Variants in VAV3 observed in about 807,000 individuals in gnomAD.
VAV3 encodes vav guanine nucleotide exchange factor 3.
A neutral mutation model predicts 131.2 loss-of-function variants in VAV3; 94 were observed. The observed-to-expected ratio is 0.72, with a 90% confidence interval of 0.61 to 0.85. The LOEUF (loss-of-function observed/expected upper bound fraction) is 0.85, where lower values mean the gene tolerates loss of function less well. Among genes scored for constraint, VAV3 ranks in the 40% least tolerant of loss-of-function variants. The pLI, the probability that VAV3 is intolerant of heterozygous loss-of-function variation, is 0.00. For synonymous variants in VAV3, 349 were observed against 342.0 expected (o/e 1.02, Z -0.22); for missense variants, 939 against 1,002.7 (o/e 0.94, Z 0.86).
chr1:107,576,426 G>C (rs1649657031), intron 25 of VAV3: 1 of 1,525,496 alleles, frequency 6.6e-7, no homozygotes, highest in Admixed American at 2.0e-5. Context: ...GGGGAACAAA[G>C]CTGTAGTCTG....
In VAV3 at chr1:107,842,291, C is replaced by T. The variant is rs115106257; in HGVS notation, c.321+32610G>A. Among the ~76,000 whole-genome samples the T allele has an allele frequency of 7.5e-3, 1,135 of 152,184 alleles. 14 individuals carry two copies. The highest frequency in any genetic ancestry group is 0.017 in the African/African-American group (688 of 41,492). ...GCTGAATGGCAAGGGAAGGGAGTTG[C>T]GAGATGAATAGCTAAAAATAAAAAG... On this transcript the variant is annotated intron_variant, in intron 2 of 26. Transcript: ENST00000370056.
At chr1:107,608,678 G>T (rs1347923040) in intron 22 of VAV3, among the ~76,000 whole-genome samples, 2 of 152,124 alleles carry the variant, frequency 1.3e-5, no homozygotes, top group East Asian at 1.9e-4. Flanking sequence ...AGGTGGAGGA[G>T]GGCCCGAGGA....
chr1:107,886,721 A>G (rs544932886), intron 1 of VAV3, among the ~76,000 whole-genome samples: 1 of 152,240 alleles, frequency 6.6e-6, no homozygotes, highest in South Asian at 2.1e-4. Flanking sequence ...CATGCTGGAA[A>G]CTTCCATCAA....
chr1:107,888,499 C>T (rs1388997140), intron 1 of VAV3, among the ~76,000 whole-genome samples: 4 of 152,174 alleles, frequency 2.6e-5, no homozygotes, highest in South Asian at 2.1e-4. Context: ...TCTCTTGCTG[C>T]GCAGGCTGGA....
At chr1:107,770,869 TTG>T in intron 5 of VAV3, 141 bp from the exon 6 acceptor site, 1 of 613,732 alleles carries the variant, frequency 1.6e-6, no homozygotes, top group South Asian at 2.2e-5. Flanking sequence ...CTAACTGCAT[TTG>T]TGAGGCATCT....
intron 15 of VAV3, among the ~76,000 whole-genome samples, chr1:107,736,617 G>T (rs764031997): frequency 6.6e-6 from 1 of 152,066 alleles, no homozygotes; most frequent in African/African-American, 2.4e-5. Context: ...GCTACAAAGA[G>T]AATAAAATAC....
At chr1:107,678,922 T>G (rs925776960) in intron 19 of VAV3, among the ~76,000 whole-genome samples, 1 of 152,058 alleles carries the variant, frequency 6.6e-6, no homozygotes, top group Non-Finnish European at 1.5e-5. Flanking sequence ...GTATATAATA[T>G]TTAAAAATTT....
intron 2 of VAV3, among the ~76,000 whole-genome samples, chr1:107,790,230 C>T (rs939462554): frequency 1.3e-5 from 2 of 152,182 alleles, no homozygotes; most frequent in Non-Finnish European, 1.5e-5. Flanking sequence ...TCCACACAGG[C>T]CTTATGTGCT....
intron 18 of VAV3, chr1:107,686,036 G>GA (rs796672496): frequency 5.4e-5 from 7 of 129,272 alleles, no homozygotes; most frequent in African/African-American, 2.0e-4. Flanking sequence ...TGGGGGGGTG[G>GA]GGGGGGAGGG....
intron 19 of VAV3, among the ~76,000 whole-genome samples, chr1:107,681,709 A>G (rs967917797): frequency 2.0e-5 from 3 of 148,304 alleles, no homozygotes; most frequent in Non-Finnish European, 3.0e-5. Flanking sequence ...GCTGGAGTGC[A>G]GTGGCGCGAT....
intron 25 of VAV3, among the ~76,000 whole-genome samples, chr1:107,579,776 G>T (rs1649907661): frequency 6.6e-6 from 1 of 152,194 alleles, no homozygotes; most frequent in South Asian, 2.1e-4. Context: ...TCATAATCTG[G>T]CCACTCTTGT....
chr1:107,920,376 A>G (rs1255012506), intron 1 of VAV3, among the ~76,000 whole-genome samples: 1 of 152,246 alleles, frequency 6.6e-6, no homozygotes, highest in African/African-American at 2.4e-5. Flanking sequence ...CGGGGCAAAT[A>G]GGGACAAAAT....
chr1:107,705,102 C>T (rs55841742), intron 15 of VAV3, 41 bp from the exon 16 acceptor site: 5 of 1,482,230 alleles, frequency 3.4e-6, no homozygotes, highest in South Asian at 1.2e-5. Context: ...GAAAGTTTCA[C>T]AACAAAGCTG....
chr1:107,798,998 C>T (rs1368306790), intron 2 of VAV3, among the ~76,000 whole-genome samples: 1 of 151,864 alleles, frequency 6.6e-6, no homozygotes, highest in Non-Finnish European at 1.5e-5. Flanking sequence ...AAACAAAATA[C>T]TATCAGAAGT....
chr1:107,716,663 G>A (rs921985673), intron 15 of VAV3, among the ~76,000 whole-genome samples: 1 of 152,156 alleles, frequency 6.6e-6, no homozygotes, highest in Non-Finnish European at 1.5e-5. Context: ...TTTTCACATC[G>A]ATGTTCATCA....
At chr1:107,649,436 A>G (rs1026813799) in intron 19 of VAV3, among the ~76,000 whole-genome samples, 1 of 152,080 alleles carries the variant, frequency 6.6e-6, no homozygotes, top group Non-Finnish European at 1.5e-5. Flanking sequence ...TCTGTAAACA[A>G]AAGATGACTG....
intron 20 of VAV3, among the ~76,000 whole-genome samples, chr1:107,638,438 C>A (rs1191401808): frequency 2.6e-5 from 4 of 151,986 alleles, no homozygotes; most frequent in Non-Finnish European, 5.9e-5. Context: ...ATAATAGCAT[C>A]AAAATGAAAT....
At chr1:107,666,325 G>A (rs1038326620) in intron 19 of VAV3, among the ~76,000 whole-genome samples, 3 of 152,196 alleles carry the variant, frequency 2.0e-5, no homozygotes, top group African/African-American at 7.2e-5. Context: ...AAATATAAGA[G>A]TTAATGTCTT....
At chr1:107,680,605 TG>T (rs2101724081) in intron 19 of VAV3, among the ~76,000 whole-genome samples, 1 of 152,256 alleles carries the variant, frequency 6.6e-6, no homozygotes, top group South Asian at 2.1e-4. Flanking sequence ...TGGAATGTAG[TG>T]GTGCCATCAC....
Sources: gnomAD v4.1 joint callset for allele counts (sites outside exome capture counted in the v4.1 genomes callset) on GRCh38, gnomAD v4.1.1 for gene constraint, MANE v1.5 for transcripts, NCBI Gene and HGNC (gene_info 2026-07-23, HGNC 2026-07-21) for gene names.